NKX6-1: variants seen among roughly 807,000 people sequenced by gnomAD.
The protein encoded by NKX6-1 is homeobox protein Nkx-6.1.
NKX6-1 carries 11 observed loss-of-function variants against 24.9 expected under a neutral mutation model. That is an observed-to-expected ratio of 0.44 (90% CI 0.28 to 0.73). The LOEUF (loss-of-function observed/expected upper bound fraction) is 0.73, where lower values mean the gene tolerates loss of function less well. NKX6-1 is among the 30% of genes least tolerant of loss of function. The probability of loss-of-function intolerance (pLI) is 0.15; values close to 1 mark genes in which losing one functional copy is unlikely to be tolerated. For missense variants in NKX6-1, 487 were observed against 502.9 expected, an observed-to-expected ratio of 0.97 and a Z score of 0.30; for synonymous variants, 277 against 242.9, an observed-to-expected ratio of 1.14 and a Z score of -1.31.
chr4:84,498,184 G>C lies in NKX6-1; in HGVS notation c.45C>G (p.Phe15Leu). The C allele has an allele frequency of 7.7e-7, 1 of 1,297,982 alleles. No homozygotes were observed. Among genetic ancestry groups the C allele is most frequent in the Non-Finnish European group, 9.8e-7 (1 of 1,022,794 alleles). The allele number at this position is 1,297,982 out of a possible 1,614,324, so 80.4% of individuals were successfully genotyped here. Residue 15 changes from phenylalanine to leucine, a missense_variant, in exon 1 of 3, where the codon TTC becomes TTG. Physicochemically the swap from Phe to Leu is conservative, Grantham distance 22 (BLOSUM62 0). Around this residue, in one of 3 missense-constraint regions of NKX6-1, gnomAD observed 316 missense variants for 311.4 expected, o/e 1.01. Transcript: ENST00000295886. ...CGGCCAGGGGAGGGCTGCTGAGCAG[G>C]AATGCGCTCTGCCGGGTGCCCTCCA... ...GAMEGTRQSAFLLSSPPLAAL... is the reference protein window; with the variant it reads ...GAMEGTRQSALLLSSPPLAAL...
At chr4:84,495,912 A>G (rs567115374) in intron 1 of NKX6-1, 68 bp from the exon 2 acceptor site, 6 of 1,486,548 alleles carry the variant, frequency 4.0e-6, no homozygotes, top group East Asian at 2.3e-5. Flanking sequence ...CACTAGGGGG[A>G]AAAAACGAAC....
intron 2 of NKX6-1, 80 bp downstream of exon 2, chr4:84,495,592 T>A: frequency 8.6e-7 from 1 of 1,166,162 alleles, no homozygotes; most frequent in East Asian, 2.4e-5. Flanking sequence ...GGGGTGTGTG[T>A]GTGTGTGTGT....
intron 2 of NKX6-1, among the ~76,000 whole-genome samples, chr4:84,495,334 G>C (rs1253930818): frequency 1.3e-5 from 2 of 152,198 alleles, no homozygotes; most frequent in African/African-American, 4.8e-5. Context: ...TGTCTAACTG[G>C]CCTGATCTAT....
In NKX6-1 at chr4:84,497,789, GC is replaced by G; in HGVS notation, c.439del (p.Ala147GlnfsTer20). ...SAAAAAAAAA[A>X]AAASSPAGLL... ...CCCCGCCGGGGATGAGGCGGCGGCTGCGGCCGCGGCAGCAGCCGCGGCGGCG... is the reference window on the plus strand; with the variant it reads ...CCCCGCCGGGGATGAGGCGGCGGCTGGGCCGCGGCAGCAGCCGCGGCGGCG... On this transcript the variant is annotated frameshift_variant, in exon 1 of 3. Coordinates refer to ENST00000295886, the MANE Select transcript of NKX6-1 (RefSeq NM_006168.3). LOFTEE classifies it high-confidence loss of function. This position sits in a 1 kb window ranked among gnomAD's most constrained non-coding sequence, Gnocchi z 4.8. The G allele has an allele frequency of 7.9e-7, 1 of 1,272,432 alleles. No individual in the cohort carries two copies. Among genetic ancestry groups the G allele is most frequent in the South Asian group, 3.0e-5 (1 of 33,496 alleles). The allele number at this position is 1,272,432 out of a possible 1,614,324, so 78.8% of individuals were successfully genotyped here. A position where few individuals can be genotyped will look rare whatever the true frequency, so the allele number is the denominator to read the frequency against.
rs74368241 is a variant in NKX6-1, at chr4:84,498,726, C to T, written c.-498G>A. ...AGGACGCCTTGTGCAGCCCGTGGCG[C>T]TCCTCTGATCTTACTGGGATGCTCT... On this transcript the variant is annotated 5_prime_UTR_variant, in exon 1 of 3. Coordinates refer to ENST00000295886, the MANE Select transcript of NKX6-1 (RefSeq NM_006168.3). 0.052 allele frequency among the ~76,000 whole-genome samples: 7,925 copies of T among 152,258 alleles called. 656 individuals are homozygous for T. The highest frequency in any genetic ancestry group is 0.18 in the African/African-American group (7,540 of 41,548).
At position 84,495,539 on chromosome 4, in the gene NKX6-1, G is replaced by A. The variant is rs934218110; in HGVS notation, c.843+133C>T. On this transcript the variant is annotated intron_variant, in intron 2 of 2. Coordinates refer to ENST00000295886, the MANE Select transcript of NKX6-1 (RefSeq NM_006168.3). ...CTTCACTGCTCTCAACTTCTCCCCA[G>A]GCTCCTTGGATTCGCACCTCCCAGG... 4.9e-6 allele frequency: 4 copies of A among 810,888 alleles called. No homozygotes were observed. In the African/African-American group the frequency reaches 6.8e-5, roughly 14 times the overall value. The allele number at this position is 810,888 out of a possible 1,614,324, so 50.2% of individuals were successfully genotyped here. A position where few individuals can be genotyped will look rare whatever the true frequency, so the allele number is the denominator to read the frequency against.
rs576635495 is a variant in NKX6-1, at chr4:84,498,448, G to A, written c.-220C>T. 1.4e-5 allele frequency: 6 copies of A among 427,600 alleles called. No individual in the cohort carries two copies. In the South Asian group the frequency reaches 5.2e-4, roughly 37 times the overall value. The allele number at this position is 427,600 out of a possible 1,614,324, so 26.5% of individuals were successfully genotyped here. A position where few individuals can be genotyped will look rare whatever the true frequency, so the allele number is the denominator to read the frequency against. On this transcript the variant is annotated 5_prime_UTR_variant, in exon 1 of 3. Coordinates refer to ENST00000295886, the MANE Select transcript of NKX6-1 (RefSeq NM_006168.3). ...CCCTCCACGCGGGAGGCGGCAGCTC[G>A]CCGAGAAAAGCAGGCGTCCCGGCGG...
rs1350198015 is a variant in NKX6-1 at position 84,492,559 on chromosome 4, G to A, written c.*730C>T. ...TCCAAACGGGAAAGAGGAACGAGAG[G>A]AGGGGACGGAGAAGGTGGGGACATT... On this transcript the variant is annotated 3_prime_UTR_variant, in exon 3 of 3. Transcript: ENST00000295886. 6.6e-6 allele frequency: 1 copy of A among 152,392 alleles called. No homozygotes were observed. 9.4% of individuals were successfully genotyped at this position (152,392 alleles called of 1,614,324 possible). A position where few individuals can be genotyped will look rare whatever the true frequency, so the allele number is the denominator to read the frequency against.
At position 84,493,314 on chromosome 4, in the gene NKX6-1, G is replaced by T. The variant is rs1720760773; in HGVS notation, c.1079C>A (p.Ala360Glu). ...SGGGGGLLLH[A>E]SEPESSS is the part of the protein sequence containing the mutation. The stretch of plus-strand genomic sequence containing the variant: ...TCAGGATGAGCTCTCCGGCTCGGAC[G>T]CGTGCAGTAGGAGGCCGCCGCCGCC... Residue 360 changes from alanine (A) to glutamate (E), a missense_variant, in exon 3 of 3, where the codon GCG becomes GAG. Physicochemically the swap from Ala to Glu is moderately radical, Grantham distance 107. Coordinates refer to ENST00000295886, the MANE Select transcript of NKX6-1 (RefSeq NM_006168.3). This position sits in a 1 kb window ranked among gnomAD's most constrained non-coding sequence, Gnocchi z 5.1. 1.2e-6 allele frequency: 2 copies of T among 1,607,780 alleles called. No individual in the cohort carries two copies. The highest frequency in any genetic ancestry group is 1.7e-6 in the Non-Finnish European group (2 of 1,178,898).
At chr4:84,495,231 A>G (rs1482911703) in intron 2 of NKX6-1, among the ~76,000 whole-genome samples, 2 of 152,206 alleles carry the variant, frequency 1.3e-5, no homozygotes, top group Non-Finnish European at 2.9e-5. Context: ...GTAGCCCTGT[A>G]ATACTGATCT....
At position 84,497,875 on chromosome 4, in the gene NKX6-1, G is replaced by A. The variant is rs1720854320; in HGVS notation, c.354C>T (p.Ala118=). 9 of 1,280,526 alleles carry A rather than the reference G, an allele frequency of 7.0e-6. No homozygotes were observed. In the South Asian group the frequency reaches 2.9e-4, roughly 41 times the overall value. 79.3% of individuals were successfully genotyped at this position (1,280,526 alleles called of 1,614,324 possible). ...AGGAGGAGGAGGAACCGGAGGGCGA[G>A]GCGGAGGGCAGGGCGGCCCCCGAGG... ...PVASGAALPS[A]SPSGSSSSSS... Residue 118 remains alanine (A), a synonymous_variant, in exon 1 of 3, where the codon GCC becomes GCT. Coordinates refer to ENST00000295886, the MANE Select transcript of NKX6-1 (RefSeq NM_006168.3). The surrounding 1 kb of genome is among the most constrained non-coding windows in gnomAD (Gnocchi z 4.8).
chr4:84,493,297 A>G lies in NKX6-1; in HGVS notation c.1096T>C (p.Ser366Pro). 1 of 1,553,946 alleles carries G rather than the reference A, an allele frequency of 6.4e-7. No homozygotes were observed. The highest frequency in any genetic ancestry group is 8.7e-7 in the Non-Finnish European group (1 of 1,155,272). ...LLLHASEPESSS is the reference protein window; with the variant it reads ...LLLHASEPESPS Reference sequence around the variant, plus strand: ...GCGGCGGGCGGCGGCGTTCAGGATGAGCTCTCCGGCTCGGACGCGTGCAGT... The same window carrying G: ...GCGGCGGGCGGCGGCGTTCAGGATGGGCTCTCCGGCTCGGACGCGTGCAGT... Residue 366 changes from serine to proline, a missense_variant, in exon 3 of 3, where the codon TCA becomes CCA. Physicochemically the swap from Ser to Pro is moderately conservative, Grantham distance 74 (BLOSUM62 -1). This residue lies in a region of NKX6-1 where 126 missense variants were observed against 105.5 expected (regional missense o/e 1.19). Coordinates refer to ENST00000295886, the MANE Select transcript of NKX6-1 (RefSeq NM_006168.3). The surrounding 1 kb of genome is among the most constrained non-coding windows in gnomAD (Gnocchi z 5.1).
Position 84,497,476 on chromosome 4 carries a change from G to C in NKX6-1, c.670+83C>G. 8.0e-7 allele frequency: 1 copy of C among 1,247,774 alleles called. No individual in the cohort carries two copies. Among genetic ancestry groups the C allele is most frequent in the Middle Eastern group, 2.2e-4 (1 of 4,506 alleles). The allele number at this position is 1,247,774 out of a possible 1,614,324, so 77.3% of individuals were successfully genotyped here. On this transcript the variant is annotated intron_variant, in intron 1 of 2. Coordinates refer to ENST00000295886, the MANE Select transcript of NKX6-1 (RefSeq NM_006168.3). This position sits in a 1 kb window ranked among gnomAD's most constrained non-coding sequence, Gnocchi z 4.8. ...GGCGGGCCACAGGATGGACTGAGCG[G>C]CATGCACACCAGGGGCCGCGACCCG...
chr4:84,497,709 C>T lies in NKX6-1; in HGVS notation c.520G>A (p.Gly174Arg). ...SSLSPPPPPPGLYFSPSAAAV... is the reference protein window; with the variant it reads ...SSLSPPPPPPRLYFSPSAAAV... ...GCGGCGCTGGGGCTGAAGTAGAGCC[C>T]GGGCGGCGGCGGCGGCGGGCTCAGG... Residue 174 changes from glycine (G) to arginine (R), a missense_variant, in exon 1 of 3, where the codon GGG (glycine) becomes AGG (arginine). This residue lies in a region of NKX6-1 where 316 missense variants were observed against 311.4 expected (regional missense o/e 1.01). Coordinates refer to ENST00000295886, the MANE Select transcript of NKX6-1 (RefSeq NM_006168.3). This position sits in a 1 kb window ranked among gnomAD's most constrained non-coding sequence, Gnocchi z 4.8. 7.9e-7 allele frequency: 1 copy of T among 1,263,826 alleles called. No individual in the cohort carries two copies. The highest frequency in any genetic ancestry group is 1.0e-6 in the Non-Finnish European group (1 of 1,002,014). 78.3% of individuals were successfully genotyped at this position (1,263,826 alleles called of 1,614,324 possible). A position where few individuals can be genotyped will look rare whatever the true frequency, so the allele number is the denominator to read the frequency against.
At position 84,495,855 on chromosome 4, in the gene NKX6-1, C is replaced by A. The variant is rs773979656; in HGVS notation, c.671-11G>T. 6.8e-5 allele frequency: 109 copies of A among 1,613,132 alleles called. No homozygotes were observed. Among genetic ancestry groups the A allele is most frequent in the South Asian group, 3.3e-4 (30 of 91,074 alleles). On this transcript the variant is annotated splice_polypyrimidine_tract_variant and intron_variant, in intron 1 of 2. Coordinates refer to ENST00000295886, the MANE Select transcript of NKX6-1 (RefSeq NM_006168.3). ...AAATGGATCCTTGATCTGTGAGAACCAATAAACAACGAGAGAGGGGGAAAA... is the reference window on the plus strand; with the variant it reads ...AAATGGATCCTTGATCTGTGAGAACAAATAAACAACGAGAGAGGGGGAAAA...
chr4:84,497,878 G>A lies in NKX6-1; in HGVS notation c.351C>T (p.Ser117=). 3 of 1,279,520 alleles carry A rather than the reference G, an allele frequency of 2.3e-6. No individual in the cohort carries two copies. Among genetic ancestry groups the A allele is most frequent in the Non-Finnish European group, 3.0e-6 (3 of 1,014,168 alleles). 79.3% of individuals were successfully genotyped at this position (1,279,520 alleles called of 1,614,324 possible). Residue 117 remains serine, a synonymous_variant, in exon 1 of 3, where the codon TCC becomes TCT. Transcript: ENST00000295886. The surrounding 1 kb of genome is among the most constrained non-coding windows in gnomAD (Gnocchi z 4.8). ...MPVASGAALP[S]ASPSGSSSSS... ...AGGAGGAGGAACCGGAGGGCGAGGC[G>A]GAGGGCAGGGCGGCCCCCGAGGCCA...
chr4:84,495,583 GGGT>G, intron 2 of NKX6-1, 86 bp downstream of exon 2: 2 of 1,074,406 alleles, frequency 1.9e-6, no homozygotes, highest in South Asian at 1.6e-5. Flanking sequence ...TGTTAGTTTG[GGGT>G]GTGTGTGTGT....
rs1393720540 is a variant in NKX6-1 at position 84,493,066 on chromosome 4, G to A, written c.*223C>T. On this transcript the variant is annotated 3_prime_UTR_variant, in exon 3 of 3. Transcript: ENST00000295886. The surrounding 1 kb of genome is among the most constrained non-coding windows in gnomAD (Gnocchi z 5.1). ...CGCAGTGCATTTGGTGGTCTTTCTT[G>A]CCTTATCAACCCCGGAGTCTCTCTC... The A allele has an allele frequency of 2.7e-6, 1 of 373,590 alleles. No individual in the cohort carries two copies. The allele number at this position is 373,590 out of a possible 1,614,324, so 23.1% of individuals were successfully genotyped here.
At chr4:84,494,027 G>A (rs1423508193) in intron 2 of NKX6-1, among the ~76,000 whole-genome samples, 4 of 152,066 alleles carry the variant, frequency 2.6e-5, no homozygotes, top group Non-Finnish European at 5.9e-5. Flanking sequence ...ATTGTGGGGG[G>A]AAAGCACAGC....
Sources: allele counts gnomAD v4.1 joint callset (sites outside exome capture counted in the v4.1 genomes callset), GRCh38; gene constraint gnomAD v4.1.1; regional missense constraint gnomAD v4.1.1; non-coding constraint Gnocchi (gnomAD v3.1); transcripts MANE v1.5; gene names NCBI Gene and HGNC (gene_info 2026-07-23, HGNC 2026-07-21).